CREB5: variants seen among roughly 807,000 people sequenced by gnomAD.
CREB5 encodes the protein cAMP responsive element binding protein 5, also known as cyclic AMP-responsive element-binding protein 5.
CREB5 carries 19 observed loss-of-function variants against 57.1 expected under a neutral mutation model. The ratio of observed to expected loss-of-function variants is 0.33; its 90% confidence interval spans 0.23 to 0.49. The LOEUF is 0.49. CREB5 is among the 20% of genes least tolerant of loss of function. The pLI, the probability that CREB5 is intolerant of heterozygous loss-of-function variation, is 0.99. For synonymous variants in CREB5, 238 were observed against 238.3 expected (o/e 1.00, Z 0.01); for missense variants, 579 against 671.6 (o/e 0.86, Z 1.52).
At chr7:28,448,642 G>T (rs1398192220) in intron 1 of CREB5, among the ~76,000 whole-genome samples, 2 of 152,196 alleles carry the variant, frequency 1.3e-5, no homozygotes, top group African/African-American at 4.8e-5. Flanking sequence ...AGGTAGCTTG[G>T]CTGGTCACCA....
Position 28,658,959 on chromosome 7 carries a change from A to ATATATATATATATATATATATGTG in CREB5, c.465-59771_465-59770insGTATATATATATATATATATATGT, listed in dbSNP as rs1554281574. On this transcript the variant is annotated intron_variant, in intron 5 of 10. Transcript: ENST00000357727. Reference sequence around the variant, plus strand: ...ATATTATATGTGTGTGTGTGTATATATATATATATATATATATATATGTAT... The same window carrying ATATATATATATATATATATATGTG: ...ATATTATATGTGTGTGTGTGTATATATATATATATATATATATATATGTGTATATATATATATATATATATGTAT... 7.9e-4 allele frequency among the ~76,000 whole-genome samples: 102 copies of ATATATATATATATATATATATGTG among 129,538 alleles called. 1 individual carries two copies. The highest frequency in any genetic ancestry group is 3.1e-3 in the African/African-American group (100 of 32,720). 85.0% of individuals were successfully genotyped at this position (129,538 alleles called of 152,430 possible).
chr7:28,453,654 C>T (rs1394738294), intron 1 of CREB5, among the ~76,000 whole-genome samples: 1 of 152,170 alleles, frequency 6.6e-6, no homozygotes, highest in Non-Finnish European at 1.5e-5. Context: ...GCCCATAACA[C>T]CCCTCCAATC....
At chr7:28,789,782 C>T (rs1278948875) in intron 7 of CREB5, among the ~76,000 whole-genome samples, 1 of 152,094 alleles carries the variant, frequency 6.6e-6, no homozygotes, top group Non-Finnish European at 1.5e-5. Flanking sequence ...CATGAATACA[C>T]ATTCCTAGAG....
At chr7:28,613,216 T>C (rs1032019170) in intron 5 of CREB5, among the ~76,000 whole-genome samples, 7 of 152,180 alleles carry the variant, frequency 4.6e-5, no homozygotes, top group African/African-American at 1.4e-4. Flanking sequence ...CAACTAAAAA[T>C]ATATTTTTCC....
chr7:28,316,740 T>G (rs1225804862), intron 1 of CREB5, among the ~76,000 whole-genome samples: 2 of 152,172 alleles, frequency 1.3e-5, no homozygotes, highest in Non-Finnish European at 2.9e-5. Flanking sequence ...TACTGCTTAG[T>G]ACAGCATGAT....
chr7:28,597,867 C>G (rs903425163), intron 5 of CREB5, among the ~76,000 whole-genome samples: 1 of 152,082 alleles, frequency 6.6e-6, no homozygotes, highest in African/African-American at 2.4e-5. Flanking sequence ...TTTCCTGCCA[C>G]AGGGAAAAGA....
At chr7:28,670,075 A>G (rs1799969362) in intron 5 of CREB5, among the ~76,000 whole-genome samples, 1 of 152,196 alleles carries the variant, frequency 6.6e-6, no homozygotes. Flanking sequence ...GCTTGCAATA[A>G]TTCTCCCTGT....
chr7:28,353,036 T>A (rs1786265086), intron 1 of CREB5, among the ~76,000 whole-genome samples: 1 of 152,232 alleles, frequency 6.6e-6, no homozygotes, highest in African/African-American at 2.4e-5. Flanking sequence ...AATTTTTATC[T>A]TTCTTCTTTC....
intron 1 of CREB5, among the ~76,000 whole-genome samples, chr7:28,312,337 T>C (rs1401228218): frequency 6.6e-6 from 1 of 152,134 alleles, no homozygotes; most frequent in Non-Finnish European, 1.5e-5. Context: ...AAAGCATATT[T>C]GCGAGAGAAT....
chr7:28,389,704 G>A (rs1222508392), intron 1 of CREB5, among the ~76,000 whole-genome samples: 1 of 151,400 alleles, frequency 6.6e-6, no homozygotes, highest in Non-Finnish European at 1.5e-5. Flanking sequence ...ATATTTGGGA[G>A]TTAAATTTAA....
At chr7:28,329,411 C>T (rs1011082711) in intron 1 of CREB5, among the ~76,000 whole-genome samples, 6 of 152,162 alleles carry the variant, frequency 3.9e-5, no homozygotes, top group African/African-American at 7.2e-5. Context: ...AATGGGGTAA[C>T]GCTGGAAAGA....
intron 1 of CREB5, among the ~76,000 whole-genome samples, chr7:28,338,182 G>A (rs918326030): frequency 6.6e-6 from 1 of 152,094 alleles, no homozygotes; most frequent in Non-Finnish European, 1.5e-5. Flanking sequence ...GTAATATTGT[G>A]TGTTTTTCTG....
intron 4 of CREB5, among the ~76,000 whole-genome samples, chr7:28,559,717 G>A (rs1008737510): frequency 2.6e-5 from 4 of 152,150 alleles, no homozygotes; most frequent in African/African-American, 7.2e-5. Flanking sequence ...ACATTTCAAC[G>A]CCTCAAAAAT....
chr7:28,601,341 A>G (rs1387320517), intron 5 of CREB5, among the ~76,000 whole-genome samples: 2 of 152,154 alleles, frequency 1.3e-5, no homozygotes, highest in Non-Finnish European at 2.9e-5. Flanking sequence ...TAAGTTGGAA[A>G]TGAAAAAGGC....
chr7:28,657,762 A>G (rs920019712), intron 5 of CREB5, among the ~76,000 whole-genome samples: 4 of 151,556 alleles, frequency 2.6e-5, no homozygotes, highest in African/African-American at 9.7e-5. Flanking sequence ...CCAAAGCACT[A>G]TTCTAGTCAT....
intron 4 of CREB5, among the ~76,000 whole-genome samples, chr7:28,546,536 T>C (rs1168125615): frequency 6.6e-6 from 1 of 152,188 alleles, no homozygotes; most frequent in Non-Finnish European, 1.5e-5. Context: ...CCCGTTGGGA[T>C]CCAGTATTGT....
At chr7:28,706,069 C>A (rs1391926342) in intron 5 of CREB5, among the ~76,000 whole-genome samples, 1 of 152,152 alleles carries the variant, frequency 6.6e-6, no homozygotes, top group African/African-American at 2.4e-5. Flanking sequence ...AAAAAAAAAT[C>A]TTCAGCCGGG....
intron 7 of CREB5, among the ~76,000 whole-genome samples, chr7:28,799,016 G>A (rs1808215425): frequency 6.6e-6 from 1 of 152,184 alleles, no homozygotes; most frequent in South Asian, 2.1e-4. Context: ...TTCTATATTT[G>A]GGAGATTTGA....
At chr7:28,430,077 A>T (rs531385384) in intron 1 of CREB5, among the ~76,000 whole-genome samples, 13 of 152,336 alleles carry the variant, frequency 8.5e-5, no homozygotes, top group Non-Finnish European at 2.9e-5. Context: ...TACTGTCTTT[A>T]AAAAAGCTGG....
Sources: gnomAD v4.1 joint callset for allele counts (sites outside exome capture counted in the v4.1 genomes callset) on GRCh38, gnomAD v4.1.1 for gene constraint, MANE v1.5 for transcripts, NCBI Gene and HGNC (gene_info 2026-07-23, HGNC 2026-07-21) for gene names.